The following ZACN variants were observed in gnomAD, a reference collection of about 807,000 sequenced individuals.
ZACN encodes the protein ligand-gated cation channel ZACN.
Under a neutral mutation model 38.9 loss-of-function variants are expected in ZACN, and 52 were observed. The observed-to-expected ratio is 1.34, with a 90% confidence interval of 1.07 to 1.68. The LOEUF (loss-of-function observed/expected upper bound fraction) is 1.68. Ranked by LOEUF, ZACN falls within the 40% of genes most tolerant of loss-of-function variation. The probability of loss-of-function intolerance (pLI) is 0.00; values close to 1 mark genes in which losing one functional copy is unlikely to be tolerated. For missense variants in ZACN, 559 were observed against 525.6 expected (o/e 1.06, Z -0.62); for synonymous variants, 235 against 227.4 (o/e 1.03, Z -0.30).
chr17:76,082,715 G>GAAATC lies in ZACN; in HGVS notation c.*62_*63insAAATC. ...TTTGCTTTCCCATGGCTGGGGGCGG[G>GAAATC]CCATGACAGGGCCTCTGGATTAAGC... On this transcript the variant is annotated 3_prime_UTR_variant, in exon 9 of 9. Coordinates refer to ENST00000334586, the MANE Select transcript of ZACN (RefSeq NM_180990.4). 6.7e-7 allele frequency: 1 copy of GAAATC among 1,492,154 alleles called. No individual in the cohort carries two copies. The highest frequency in any genetic ancestry group is 8.9e-7 in the Non-Finnish European group (1 of 1,117,534). The allele number at this position is 1,492,154 out of a possible 1,614,324, so 92.4% of individuals were successfully genotyped here. A position where few individuals can be genotyped will look rare whatever the true frequency, so the allele number is the denominator to read the frequency against.
At position 76,080,771 on chromosome 17, in the gene ZACN, A is replaced by T. The variant is rs939054550; in HGVS notation, c.544+347A>T. ...GTCCTCCCCAGAGCAACTGCCCTCC[A>T]CAGCCATGGCGACTGCAGTGGCTCG... On this transcript the variant is annotated intron_variant, in intron 5 of 8. Transcript: ENST00000334586. 2.6e-5 allele frequency: 13 copies of T among 492,402 alleles called. No individual in the cohort carries two copies. The Admixed American group carries it at 3.0e-4, about 11-fold the overall frequency. 30.5% of individuals were successfully genotyped at this position (492,402 alleles called of 1,614,324 possible).
Position 76,079,912 on chromosome 17 carries a change from T to A in ZACN, c.292T>A (p.Trp98Arg). 1 of 1,599,276 alleles carries A rather than the reference T, an allele frequency of 6.3e-7. No individual in the cohort carries two copies. The highest frequency in any genetic ancestry group is 1.7e-5 in the Admixed American group (1 of 58,282). Residue 98 changes from tryptophan to arginine, a missense_variant, in exon 4 of 9, where the codon TGG becomes AGG. Physicochemically the swap from Trp to Arg is moderately radical, Grantham distance 101. Transcript: ENST00000334586. ...GTCCTGGCTGGACACTCGCCTGGCCTGGAACACTAGTGCACACCCGCGGCA... is the reference window on the plus strand; with the variant it reads ...GTCCTGGCTGGACACTCGCCTGGCCAGGAACACTAGTGCACACCCGCGGCA... ...RLSWLDTRLA[W>R]NTSAHPRHAI...
intron 5 of ZACN, 91 bp downstream of exon 5, chr17:76,080,515 C>G: frequency 6.7e-7 from 1 of 1,501,208 alleles, no homozygotes; most frequent in Non-Finnish European, 9.1e-7. Context: ...GGGCAGGGTG[C>G]GGGGCAAGGG....
rs1417642493 is a variant in ZACN at position 76,079,521 on chromosome 17, G to A, written c.180G>A (p.Leu60=). 2 of 1,614,082 alleles carry A rather than the reference G, an allele frequency of 1.2e-6. No individual in the cohort carries two copies. Among genetic ancestry groups the A allele is most frequent in the East Asian group, 2.2e-5 (1 of 44,894 alleles). Residue 60 remains leucine (L), a synonymous_variant, in exon 2 of 9, where the codon CTG becomes CTA. Transcript: ENST00000334586. ...IQIPNNGSAP[L]LVDVRVFVSN... is the part of the protein sequence containing the mutation. ...TCCCGAACAATGGGAGTGCGCCCCT[G>A]CTCGTGGATGTGCGGGTGTTTGTCT... is the stretch of plus-strand genomic sequence containing the variant.
At chr17:76,080,560 G>A in intron 5 of ZACN, 136 bp downstream of exon 5, 1 of 1,307,818 alleles carries the variant, frequency 7.6e-7, no homozygotes, top group South Asian at 1.3e-5. Flanking sequence ...CGAACTCCCA[G>A]GTCTGTGTTC....
rs766408355 is a variant in ZACN, at chr17:76,080,380, A to G, written c.500A>G (p.Asp167Gly). The change falls in exon 5 of 9, where the codon GAC (aspartate) becomes GGC (glycine). Residue 167 changes from aspartate (D) to glycine (G), a missense_variant. By Grantham distance (94) the Asp-to-Gly change is moderately conservative. Transcript: ENST00000334586. ...TTTGAGCTCCTCCACTTCCCCCGGG[A>G]CCACAGCAACTGCAGCCTCAGCTTC... ...CNFELLHFPR[D>G]HSNCSLSFYA... is the part of the protein sequence containing the mutation. 5 of 1,613,858 alleles carry G rather than the reference A, an allele frequency of 3.1e-6. No individual in the cohort carries two copies. Among genetic ancestry groups the G allele is most frequent in the Admixed American group, 3.3e-5 (2 of 59,992 alleles).
rs771623955 is a variant in ZACN at position 76,082,563 on chromosome 17, C to T, written c.1149C>T (p.Phe383=). 1.4e-5 allele frequency: 23 copies of T among 1,613,666 alleles called. No individual in the cohort carries two copies. The Middle Eastern group carries it at 6.6e-4, about 46-fold the overall frequency. Residue 383 remains phenylalanine (F), a synonymous_variant, in exon 9 of 9, where the codon TTC becomes TTT. Transcript: ENST00000334586. The part of the protein sequence containing the change: ...VYVVGVLCTQ[F]VFAGIWMWAA... ...TGGTTGGGGTGCTGTGCACCCAATT[C>T]GTCTTTGCAGGAATCTGGATGTGGG...
intron 5 of ZACN, 196 bp downstream of exon 5, chr17:76,080,620 G>GC (rs1057398831): frequency 1.4e-5 from 11 of 783,062 alleles, no homozygotes; most frequent in Admixed American, 4.0e-5. Flanking sequence ...CTCCCACTGC[G>GC]CCCCCCACTC....
rs765713187 is a variant in ZACN at position 76,079,573 on chromosome 17, T to C, written c.222+10T>C. The C allele has an allele frequency of 1.9e-6, 3 of 1,614,022 alleles. No homozygotes were observed. The highest frequency in any genetic ancestry group is 1.1e-5 in the South Asian group (1 of 91,084). ...CAACGTGTTTAATGTGGTAAGTGCC[T>C]CTAGGCCAAGGGCCCCAAGTGCTGA... On this transcript the variant is annotated intron_variant, in intron 2 of 8. Transcript: ENST00000334586.
At chr17:76,081,446 G>C (rs201163620) in intron 6 of ZACN, 44 bp downstream of exon 6, 2 of 1,612,402 alleles carry the variant, frequency 1.2e-6, no homozygotes, top group Non-Finnish European at 1.7e-6. Context: ...TGCTGGAGGC[G>C]GGTGGGAGTG....
In ZACN at chr17:76,080,410, C is replaced by A. The variant is rs1426528719; in HGVS notation, c.530C>A (p.Ala177Asp). 1 of 1,613,902 alleles carries A rather than the reference C, an allele frequency of 6.2e-7. No homozygotes were observed. The highest frequency in any genetic ancestry group is 8.5e-7 in the Non-Finnish European group (1 of 1,180,006). The change falls in exon 5 of 9, where the codon GCT (alanine) becomes GAT (aspartate). Residue 177 changes from alanine to aspartate, a missense_variant. Coordinates refer to ENST00000334586, the MANE Select transcript of ZACN (RefSeq NM_180990.4). ...AGCAACTGCAGCCTCAGCTTCTACG[C>A]TCTCAGCAACACGGGTGCTGACAGG... ...DHSNCSLSFYALSNTAMELEF... is the reference protein window; with the variant it reads ...DHSNCSLSFYDLSNTAMELEF...
In ZACN at chr17:76,081,749, C is replaced by T; in HGVS notation, c.874C>T (p.Leu292=). The T allele has an allele frequency of 6.2e-7, 1 of 1,614,084 alleles. No individual in the cohort carries two copies. ...ALPSSSSCNP[L]LIYYFTILLL... is the part of the protein sequence containing the mutation. The stretch of plus-strand genomic sequence containing the variant: ...GCCCAGCTCCTCCTCCTGCAACCCA[C>T]TGCTCAGTAAGCCCTGCTCCCTTAC... The change falls in exon 7 of 9, where the codon CTG becomes TTG. Residue 292 remains leucine (L), a synonymous_variant. Coordinates refer to ENST00000334586, the MANE Select transcript of ZACN (RefSeq NM_180990.4).
Position 76,080,050 on chromosome 17 carries a change from C to G in ZACN, c.374+56C>G, listed in dbSNP as rs947288962. On this transcript the variant is annotated intron_variant, in intron 4 of 8. Transcript: ENST00000334586. ...TGCCATGCATAGCCCTCCTTTTCCCCCATCTACAACCTAGAGGCTGTCTGA... is the reference window on the plus strand; with the variant it reads ...TGCCATGCATAGCCCTCCTTTTCCCGCATCTACAACCTAGAGGCTGTCTGA... The G allele has an allele frequency of 1.1e-5, 17 of 1,522,886 alleles. No homozygotes were observed. The African/African-American group carries it at 2.1e-4, about 19-fold the overall frequency. The allele number at this position is 1,522,886 out of a possible 1,614,324, so 94.3% of individuals were successfully genotyped here. A position where few individuals can be genotyped will look rare whatever the true frequency, so the allele number is the denominator to read the frequency against.
In ZACN at chr17:76,080,046, T is replaced by C. The variant is rs1567944281; in HGVS notation, c.374+52T>C. The C allele has an allele frequency of 2.6e-6, 4 of 1,524,170 alleles. No homozygotes were observed. In the African/African-American group the frequency reaches 5.5e-5, roughly 21 times the overall value. The allele number at this position is 1,524,170 out of a possible 1,614,324, so 94.4% of individuals were successfully genotyped here. A position where few individuals can be genotyped will look rare whatever the true frequency, so the allele number is the denominator to read the frequency against. On this transcript the variant is annotated intron_variant, in intron 4 of 8. Transcript: ENST00000334586. The stretch of plus-strand genomic sequence containing the variant: ...AATCTGCCATGCATAGCCCTCCTTT[T>C]CCCCCATCTACAACCTAGAGGCTGT...
Position 76,082,475 on chromosome 17 carries a change from G to T in ZACN, c.1061G>T (p.Gly354Val), listed in dbSNP as rs749010550. ...GPHPAEEPSRGVKGSQRSWPE... is the reference protein window; with the variant it reads ...GPHPAEEPSRVVKGSQRSWPE... The stretch of plus-strand genomic sequence containing the variant: ...TCTCTCCCCACAGAGCCCTCCAGAG[G>T]AGTAAAGGGGTCACAGAGAAGCTGG... The change falls in exon 9 of 9, where the codon GGA becomes GTA. Residue 354 changes from glycine (G) to valine (V), a missense_variant. Coordinates refer to ENST00000334586, the MANE Select transcript of ZACN (RefSeq NM_180990.4). The T allele has an allele frequency of 1.2e-6, 2 of 1,612,222 alleles. No individual in the cohort carries two copies. The highest frequency in any genetic ancestry group is 1.7e-5 in the Admixed American group (1 of 59,922).
chr17:76,082,062 T>TG lies in ZACN; in HGVS notation c.1048+19dup. 4 of 1,593,434 alleles carry TG rather than the reference T, an allele frequency of 2.5e-6. No homozygotes were observed. Among genetic ancestry groups the TG allele is most frequent in the Middle Eastern group, 1.7e-4 (1 of 5,904 alleles). ...CATCCTGCTGAAGGTGGGCAGGGGC[T>TG]GGGGGGTAAGGAATGAGGCCTAGGT... is the stretch of plus-strand genomic sequence containing the variant. On this transcript the variant is annotated intron_variant, in intron 8 of 8. Coordinates refer to ENST00000334586, the MANE Select transcript of ZACN (RefSeq NM_180990.4).
rs758039192 is a variant in ZACN at position 76,079,257 on chromosome 17, T to C, written c.-8T>C. On this transcript the variant is annotated 5_prime_UTR_variant, in exon 1 of 9. Transcript: ENST00000334586. ...ACCGCTGCTCCCTCCAGTCCCTCCG[T>C]GCAGCCGATGATGGCCCTATGGTCC... The C allele has an allele frequency of 1.9e-6, 3 of 1,609,068 alleles. No individual in the cohort carries two copies. Among genetic ancestry groups the C allele is most frequent in the Non-Finnish European group, 2.6e-6 (3 of 1,176,468 alleles).
chr17:76,081,454 G>A (rs1220361461), intron 6 of ZACN, 52 bp downstream of exon 6: 13 of 1,611,826 alleles, frequency 8.1e-6, no homozygotes, highest in Non-Finnish European at 1.0e-5. Flanking sequence ...GCGGGTGGGA[G>A]TGAGGATGCA....
chr17:76,080,459 G>C, intron 5 of ZACN, 35 bp downstream of exon 5: 1 of 1,610,152 alleles, frequency 6.2e-7, no homozygotes, highest in Non-Finnish European at 8.5e-7. Flanking sequence ...GGTTGAGGAG[G>C]GGAGGAGGAA....
Sources: gnomAD v4.1 joint callset for allele counts on GRCh38, gnomAD v4.1.1 for gene constraint, MANE v1.5 for transcripts, NCBI Gene and HGNC (gene_info 2026-07-23, HGNC 2026-07-21) for gene names.